TNNI3K: variants seen among roughly 807,000 people sequenced by gnomAD.
The protein encoded by TNNI3K is serine/threonine-protein kinase TNNI3K.
TNNI3K carries 140 observed loss-of-function variants against 114.5 expected under a neutral mutation model. The observed-to-expected ratio is 1.22, with a 90% confidence interval of 1.07 to 1.41. The LOEUF (loss-of-function observed/expected upper bound fraction) is 1.41. Among genes scored for constraint, TNNI3K ranks in the 40% most tolerant of loss-of-function variants. The pLI is 0.00. For synonymous variants in TNNI3K, 347 were observed against 347.5 expected (o/e 1.00, Z 0.02); for missense variants, 1,125 against 1,007.6 (o/e 1.12, Z -1.58).
Position 74,439,471 on chromosome 1 carries a change from G to A in TNNI3K, c.1879-19G>A. The A allele has an allele frequency of 6.2e-7, 1 of 1,607,306 alleles. No homozygotes were observed. Among genetic ancestry groups the A allele is most frequent in the South Asian group, 1.1e-5 (1 of 89,948 alleles). On this transcript the variant is annotated intron_variant, in intron 19 of 24. Coordinates refer to ENST00000326637, the MANE Select transcript of TNNI3K (RefSeq NM_015978.3). ...CCAAACACTTGGTAAATGGCTTGTG[G>A]ATGTTTCTTGATGTGCAGAACCTCC...
intron 22 of TNNI3K, among the ~76,000 whole-genome samples, chr1:74,491,024 G>T (rs1173926438): frequency 6.6e-6 from 1 of 152,162 alleles, no homozygotes; most frequent in Non-Finnish European, 1.5e-5. Flanking sequence ...GATTAGTCTT[G>T]TTCTGAAATG....
chr1:74,325,858 G>A (rs1375953577), intron 5 of TNNI3K, among the ~76,000 whole-genome samples: 2 of 152,150 alleles, frequency 1.3e-5, no homozygotes, highest in South Asian at 2.1e-4. Context: ...TCATGCTAAT[G>A]TCTTTAGGAT....
rs75040215 is a variant in TNNI3K at position 74,397,584 on chromosome 1, T to A, written c.1772+27192T>A. On this transcript the variant is annotated intron_variant, in intron 17 of 24. Coordinates refer to ENST00000326637, the MANE Select transcript of TNNI3K (RefSeq NM_015978.3). ...ATTTGTCTTAACAATAGATACTTGC[T>A]TGAATTCAGCCAGTTTCTTATGAAA... Among the ~76,000 whole-genome samples the A allele has an allele frequency of 1.6e-4, 24 of 152,312 alleles. No homozygotes were observed. The East Asian group carries it at 4.6e-3, about 29-fold the overall frequency.
intron 17 of TNNI3K, among the ~76,000 whole-genome samples, chr1:74,377,327 C>A (rs1662958689): frequency 6.6e-6 from 1 of 151,968 alleles, no homozygotes; most frequent in Admixed American, 6.6e-5. Context: ...AGACAGAGAT[C>A]CACACACCCA....
At chr1:74,423,771 A>G (rs1033543548) in intron 17 of TNNI3K, among the ~76,000 whole-genome samples, 4 of 152,096 alleles carry the variant, frequency 2.6e-5, no homozygotes, top group African/African-American at 9.7e-5. Context: ...TCATCCTTTC[A>G]TGCTTCAGCT....
chr1:74,543,957 G>C lies in TNNI3K; in HGVS notation c.2483G>C (p.Ser828Thr). The C allele has an allele frequency of 6.2e-7, 1 of 1,613,268 alleles. No homozygotes were observed. The highest frequency in any genetic ancestry group is 1.1e-5 in the South Asian group (1 of 90,832). ...SSMHFHSCRNSSSFEDSS is the reference protein window; with the variant it reads ...SSMHFHSCRNTSSFEDSS ...ATGCATTTTCATTCTTGCCGAAATA[G>C]TAGCAGCTTTGAGGACAGCAGCTGA... Residue 828 changes from serine to threonine, a missense_variant, in exon 25 of 25, where the codon AGT (serine) becomes ACT (threonine). Transcript: ENST00000326637.
chr1:74,254,727 T>A (rs1453116581), intron 4 of TNNI3K, among the ~76,000 whole-genome samples: 1 of 152,106 alleles, frequency 6.6e-6, no homozygotes, highest in Non-Finnish European at 1.5e-5. Context: ...GGTTCTTGGA[T>A]CTCGCGCAAG....
chr1:74,447,095 G>T (rs944123377), intron 20 of TNNI3K, among the ~76,000 whole-genome samples: 1 of 151,212 alleles, frequency 6.6e-6, no homozygotes, highest in Non-Finnish European at 1.5e-5. Flanking sequence ...TTGGTAGCTT[G>T]ATGGGAATGG....
intron 2 of TNNI3K, among the ~76,000 whole-genome samples, chr1:74,248,224 G>A (rs956090158): frequency 2.0e-5 from 3 of 151,954 alleles, no homozygotes; most frequent in Non-Finnish European, 2.9e-5. Flanking sequence ...CTAAGCCCAC[G>A]CCCACCCAGA....
At chr1:74,314,434 G>A (rs902485219) in intron 5 of TNNI3K, among the ~76,000 whole-genome samples, 1 of 151,478 alleles carries the variant, frequency 6.6e-6, no homozygotes, top group Admixed American at 6.6e-5. Flanking sequence ...TATCTCATTT[G>A]CATATTATTG....
intron 5 of TNNI3K, among the ~76,000 whole-genome samples, chr1:74,324,492 G>A (rs1236349646): frequency 6.6e-6 from 1 of 152,186 alleles, no homozygotes; most frequent in Non-Finnish European, 1.5e-5. Context: ...CGGCGGGAAG[G>A]AATTACTAGC....
chr1:74,373,523 A>G (rs1020146645), intron 17 of TNNI3K: 2 of 151,906 alleles, frequency 1.3e-5, no homozygotes, highest in Admixed American at 6.6e-5. Flanking sequence ...TTTCAGGGGC[A>G]GAGACTGCTC....
At chr1:74,381,040 A>T (rs751103033) in intron 17 of TNNI3K, among the ~76,000 whole-genome samples, 4 of 152,164 alleles carry the variant, frequency 2.6e-5, no homozygotes, top group Non-Finnish European at 5.9e-5. Flanking sequence ...AGAGATACAG[A>T]TAATTATAAA....
chr1:74,331,347 G>T, intron 5 of TNNI3K, 103 bp from the exon 6 acceptor site: 2 of 1,183,680 alleles, frequency 1.7e-6, no homozygotes, highest in South Asian at 3.2e-5. Context: ...GTGTTTTAGG[G>T]TGGCAACTCC....
Position 74,467,993 on chromosome 1 carries a change from A to G in TNNI3K, c.2121+4443A>G, listed in dbSNP as rs1270714477. Among the ~76,000 whole-genome samples, 5 of 152,322 alleles carry G rather than the reference A, an allele frequency of 3.3e-5. No homozygotes were observed. In the East Asian group the frequency reaches 7.7e-4, roughly 24 times the overall value. ...TTTGAGTAATCCAGTTGATTACAACACACAGACTACAATGGTTACCATGGA... is the reference window on the plus strand; with the variant it reads ...TTTGAGTAATCCAGTTGATTACAACGCACAGACTACAATGGTTACCATGGA... On this transcript the variant is annotated intron_variant, in intron 21 of 24. Transcript: ENST00000326637.
At chr1:74,276,387 A>T (rs1656688388) in intron 5 of TNNI3K, among the ~76,000 whole-genome samples, 1 of 152,110 alleles carries the variant, frequency 6.6e-6, no homozygotes, top group Non-Finnish European at 1.5e-5. Flanking sequence ...TAAATAAGGA[A>T]TTATTGAAGG....
chr1:74,444,584 C>T (rs1666542736), intron 20 of TNNI3K, among the ~76,000 whole-genome samples: 1 of 152,030 alleles, frequency 6.6e-6, no homozygotes, highest in Non-Finnish European at 1.5e-5. Context: ...AAAGAATCAA[C>T]ATCATGAAAA....
intron 21 of TNNI3K, among the ~76,000 whole-genome samples, chr1:74,466,946 A>G (rs1176235453): frequency 2.0e-5 from 3 of 152,196 alleles, no homozygotes; most frequent in African/African-American, 7.2e-5. Context: ...CATTTTAATG[A>G]TTCTATAGTT....
chr1:74,356,448 A>G (rs1482562346), intron 11 of TNNI3K, among the ~76,000 whole-genome samples: 1 of 152,174 alleles, frequency 6.6e-6, no homozygotes, highest in East Asian at 1.9e-4. Context: ...CTTAATATCA[A>G]TTGGAAAATC....
Sources: gnomAD v4.1 joint callset for allele counts (sites outside exome capture counted in the v4.1 genomes callset) on GRCh38, gnomAD v4.1.1 for gene constraint, MANE v1.5 for transcripts, NCBI Gene and HGNC (gene_info 2026-07-23, HGNC 2026-07-21) for gene names.